ABTB3: variants seen among roughly 807,000 people sequenced by gnomAD.
ABTB3 encodes ankyrin repeat and BTB domain containing 3.
the ABTB3 span, among the ~76,000 whole-genome samples, chr12:107,515,396 G>A: frequency 6.6e-6 from 1 of 152,200 alleles, no homozygotes; most frequent in Non-Finnish European, 1.5e-5. Context: ...CCTTTGCTGT[G>A]AAGTCCCCTC....
the ABTB3 span, among the ~76,000 whole-genome samples, chr12:107,506,227 G>A: frequency 1.3e-5 from 2 of 152,180 alleles, no homozygotes; most frequent in African/African-American, 4.8e-5. Flanking sequence ...ACATGGTTAA[G>A]TTTTTAATAA....
the ABTB3 span, among the ~76,000 whole-genome samples, chr12:107,480,713 T>A: frequency 6.6e-6 from 1 of 152,316 alleles, no homozygotes; most frequent in South Asian, 2.1e-4. Context: ...TGTGTGTGTG[T>A]GTGTGTTTGT....
the ABTB3 span, among the ~76,000 whole-genome samples, chr12:107,424,923 CTG>C: frequency 1.3e-5 from 2 of 152,234 alleles, no homozygotes; most frequent in African/African-American, 4.8e-5. Flanking sequence ...AGTCCTCCCT[CTG>C]TGTTCCTCTG....
At chr12:107,604,898 G>T in the ABTB3 span, among the ~76,000 whole-genome samples, 2 of 151,876 alleles carry the variant, frequency 1.3e-5, no homozygotes, top group Non-Finnish European at 2.9e-5. Context: ...AAGAAAATGT[G>T]GTATATGTAC....
At chr12:107,524,686 C>G in the ABTB3 span, among the ~76,000 whole-genome samples, 1 of 152,176 alleles carries the variant, frequency 6.6e-6, no homozygotes. Context: ...ATCAACCACA[C>G]CTGTGAATTG....
chr12:107,389,846 T>TGTGTGTGTGTG, the ABTB3 span, among the ~76,000 whole-genome samples: 101 of 141,568 alleles, frequency 7.1e-4, 2 homozygotes, highest in African/African-American at 2.4e-3. Context: ...GTGTGTGTGT[T>TGTGTGTGTGTG]TGTGTGTGTG....
At chr12:107,401,921 T>G in the ABTB3 span, among the ~76,000 whole-genome samples, 4 of 151,028 alleles carry the variant, frequency 2.6e-5, no homozygotes, top group South Asian at 8.5e-4. Flanking sequence ...AGGGTTTTTT[T>G]TTTTTTTTTT....
At chr12:107,357,778 T>A in the ABTB3 span, among the ~76,000 whole-genome samples, 1 of 152,350 alleles carries the variant, frequency 6.6e-6, no homozygotes, top group Middle Eastern at 3.4e-3. Flanking sequence ...AACTCCACTG[T>A]CCACTCAGAC....
chr12:107,349,552 C>G, the ABTB3 span, among the ~76,000 whole-genome samples: 1 of 152,276 alleles, frequency 6.6e-6, no homozygotes, highest in South Asian at 2.1e-4. Flanking sequence ...GTTATTTAAC[C>G]TCTCTGAGTC....
the ABTB3 span, among the ~76,000 whole-genome samples, chr12:107,355,067 T>G: frequency 6.6e-6 from 1 of 152,224 alleles, no homozygotes; most frequent in East Asian, 1.9e-4. Context: ...GCCAGTAATG[T>G]TTGAGGGGTC....
the ABTB3 span, among the ~76,000 whole-genome samples, chr12:107,579,285 G>A: frequency 1.3e-5 from 2 of 152,208 alleles, no homozygotes; most frequent in Non-Finnish European, 2.9e-5. Context: ...GGTGACAGGT[G>A]CATGCTGGGT....
the ABTB3 span, among the ~76,000 whole-genome samples, chr12:107,460,830 T>A: frequency 1.3e-5 from 2 of 152,158 alleles, no homozygotes; most frequent in African/African-American, 4.8e-5. Flanking sequence ...AATAATTTTT[T>A]AAAATTCCTG....
chr12:107,530,293 T>G, the ABTB3 span, among the ~76,000 whole-genome samples: 1 of 152,310 alleles, frequency 6.6e-6, no homozygotes, highest in East Asian at 1.9e-4. Context: ...CTTTTGAATC[T>G]TCTTGTTTTG....
chr12:107,383,589 T>G, the ABTB3 span, among the ~76,000 whole-genome samples: 66 of 147,060 alleles, frequency 4.5e-4, no homozygotes, highest in Non-Finnish European at 7.8e-4. Context: ...CAATAAGTGT[T>G]CACAGTTATT....
At chr12:107,566,064 G>A in the ABTB3 span, among the ~76,000 whole-genome samples, 3 of 152,148 alleles carry the variant, frequency 2.0e-5, no homozygotes, top group East Asian at 3.9e-4. Flanking sequence ...AGTAAATTGC[G>A]TGTATGTTTC....
At chr12:107,583,738 A>C in the ABTB3 span, among the ~76,000 whole-genome samples, 1 of 152,204 alleles carries the variant, frequency 6.6e-6, no homozygotes, top group African/African-American at 2.4e-5. Flanking sequence ...CAATTTCAGC[A>C]TCTGTCCAGT....
the ABTB3 span, among the ~76,000 whole-genome samples, chr12:107,425,169 C>A: frequency 6.6e-6 from 1 of 152,338 alleles, no homozygotes; most frequent in African/African-American, 2.4e-5. Context: ...GCCATGCTGA[C>A]CTCATGGTTC....
chr12:107,642,337 A>G, the ABTB3 span, among the ~76,000 whole-genome samples: 3 of 151,994 alleles, frequency 2.0e-5, no homozygotes, highest in African/African-American at 7.3e-5. Context: ...GTTTCCATCC[A>G]TTCATCCCTG....
At chr12:107,335,890 T>C in the ABTB3 span, among the ~76,000 whole-genome samples, 1 of 152,056 alleles carries the variant, frequency 6.6e-6, no homozygotes, top group African/African-American at 2.4e-5. Flanking sequence ...AGAACCAATA[T>C]TGGTAATAAA....
Sources: gnomAD v4.1 joint callset for allele counts (sites outside exome capture counted in the v4.1 genomes callset) on GRCh38, gnomAD v4.1.1 for gene constraint, MANE v1.5 for transcripts, NCBI Gene and HGNC (gene_info 2026-07-23, HGNC 2026-07-21) for gene names.